Variants in RIMS2 observed in about 807,000 individuals in gnomAD.
The protein encoded by RIMS2 is regulating synaptic membrane exocytosis 2.
RIMS2 carries 59 observed loss-of-function variants against 174.4 expected under a neutral mutation model. The ratio of observed to expected loss-of-function variants is 0.34; its 90% confidence interval spans 0.27 to 0.42. RIMS2 has a LOEUF of 0.42. Ranked by LOEUF, RIMS2 falls within the 10% of genes least tolerant of loss-of-function variation. The pLI, the probability that RIMS2 is intolerant of heterozygous loss-of-function variation, is 1.00. For synonymous variants in RIMS2, 606 were observed against 572.5 expected (o/e 1.06, Z -0.84); for missense variants, 1,620 against 1,666.3 (o/e 0.97, Z 0.48).
At chr8:104,223,638 G>A (rs1301687853) in intron 19 of RIMS2, 2 of 1,586,382 alleles carry the variant, frequency 1.3e-6, no homozygotes, top group Middle Eastern at 2.2e-4. Context: ...GGGAAAAGCG[G>A]GTCCTCGTCC....
intron 2 of RIMS2, among the ~76,000 whole-genome samples, chr8:103,759,517 ATTG>A (rs2098082189): frequency 7.3e-6 from 1 of 136,966 alleles, no homozygotes; most frequent in Non-Finnish European, 1.5e-5. Context: ...GTGAGCAGAG[ATTG>A]TGCCACTGCA....
At chr8:103,754,875 C>G (rs981956868) in intron 2 of RIMS2, among the ~76,000 whole-genome samples, 3 of 151,748 alleles carry the variant, frequency 2.0e-5, no homozygotes, top group Non-Finnish European at 2.9e-5. Context: ...GGTCTTGACT[C>G]TATCCAATTT....
At chr8:103,636,817 C>T (rs1480663857) in intron 1 of RIMS2, among the ~76,000 whole-genome samples, 2 of 116,976 alleles carry the variant, frequency 1.7e-5, no homozygotes, top group African/African-American at 6.6e-5. Context: ...CACACACATA[C>T]CAATCTGCGT....
chr8:104,109,993 C>G (rs1251067419), intron 19 of RIMS2, among the ~76,000 whole-genome samples: 2 of 152,134 alleles, frequency 1.3e-5, no homozygotes, highest in East Asian at 3.8e-4. Flanking sequence ...AAAACCTATC[C>G]CTTTCCTCAA....
intron 1 of RIMS2, among the ~76,000 whole-genome samples, chr8:103,687,135 A>T: frequency 6.6e-6 from 1 of 152,076 alleles, no homozygotes. Context: ...AATGGATATA[A>T]AGCTTGTCAA....
At chr8:103,630,160 AAT>A (rs2095876892) in intron 1 of RIMS2, among the ~76,000 whole-genome samples, 2 of 145,892 alleles carry the variant, frequency 1.4e-5, no homozygotes, top group Non-Finnish European at 3.0e-5. Context: ...AAAAAAAAAA[AAT>A]CTTGAAAGCA....
At position 103,989,550 on chromosome 8, in the gene RIMS2, G is replaced by A. The variant is rs920337962; in HGVS notation, c.3044+129G>A. On this transcript the variant is annotated intron_variant, in intron 17 of 23. Transcript: ENST00000504942. Reference sequence around the variant, plus strand: ...TGAAACAATGTTTTTCTCTTACAACGCTTACATTATTTCTTATGACTGCCA... The same window carrying A: ...TGAAACAATGTTTTTCTCTTACAACACTTACATTATTTCTTATGACTGCCA... 9.2e-6 allele frequency: 5 copies of A among 544,020 alleles called. No individual in the cohort carries two copies. The African/African-American group carries it at 9.6e-5, about 10-fold the overall frequency. The allele number at this position is 544,020 out of a possible 1,614,324, so 33.7% of individuals were successfully genotyped here. A position where few individuals can be genotyped will look rare whatever the true frequency, so the allele number is the denominator to read the frequency against.
At chr8:103,913,988 T>G (rs1220386900) in intron 6 of RIMS2, among the ~76,000 whole-genome samples, 1 of 152,184 alleles carries the variant, frequency 6.6e-6, no homozygotes, top group East Asian at 1.9e-4. Flanking sequence ...GTGCTTGCAC[T>G]CAACCTGAGC....
chr8:103,523,506 C>T (rs141488705), intron 1 of RIMS2, among the ~76,000 whole-genome samples: 1 of 151,940 alleles, frequency 6.6e-6, no homozygotes, highest in East Asian at 1.9e-4. Context: ...TGAAAATGGA[C>T]CAGTAGGTTG....
intron 19 of RIMS2, among the ~76,000 whole-genome samples, chr8:104,101,118 T>C (rs2097888774): frequency 1.5e-5 from 2 of 131,178 alleles, no homozygotes; most frequent in African/African-American, 5.8e-5. Flanking sequence ...ATTATATATG[T>C]AATATATATT....
chr8:104,095,302 G>A (rs1184563127), intron 19 of RIMS2, among the ~76,000 whole-genome samples: 1 of 152,132 alleles, frequency 6.6e-6, no homozygotes, highest in Non-Finnish European at 1.5e-5. Context: ...AGTGCAGTTT[G>A]AGTCCTGCAG....
intron 17 of RIMS2, among the ~76,000 whole-genome samples, chr8:104,008,520 C>CT (rs2095660386): frequency 1.3e-5 from 2 of 150,192 alleles, no homozygotes; most frequent in African/African-American, 2.5e-5. Flanking sequence ...TTTAATAATA[C>CT]AGTATATGTT....
At chr8:103,565,066 T>C (rs1257394054) in intron 1 of RIMS2, among the ~76,000 whole-genome samples, 1 of 151,972 alleles carries the variant, frequency 6.6e-6, no homozygotes, top group Non-Finnish European at 1.5e-5. Flanking sequence ...ATCTGAGACT[T>C]GACAGACATA....
At chr8:103,532,658 A>T (rs1432826595) in intron 1 of RIMS2, among the ~76,000 whole-genome samples, 1 of 152,236 alleles carries the variant, frequency 6.6e-6, no homozygotes, top group Non-Finnish European at 1.5e-5. Flanking sequence ...TGAGACAGTG[A>T]CTATATGTGG....
chr8:104,201,616 T>TA (rs1484856170), intron 19 of RIMS2, among the ~76,000 whole-genome samples: 1 of 152,190 alleles, frequency 6.6e-6, no homozygotes, highest in Non-Finnish European at 1.5e-5. Flanking sequence ...TATTCTGTCT[T>TA]AAAAAATTAT....
chr8:104,093,623 A>T, intron 19 of RIMS2: 1 of 1,595,146 alleles, frequency 6.3e-7, no homozygotes, highest in African/African-American at 1.3e-5. Flanking sequence ...CAGAACGCCC[A>T]GGAGGAAACA....
In RIMS2 at chr8:103,705,518, C is replaced by T. The variant is rs115542802; in HGVS notation, c.387+8222C>T. Among the ~76,000 whole-genome samples the T allele has an allele frequency of 4.4e-3, 668 of 152,098 alleles. 3 individuals are homozygous for T. The highest frequency in any genetic ancestry group is 0.015 in the African/African-American group (611 of 41,544). On this transcript the variant is annotated intron_variant, in intron 2 of 23. Coordinates refer to ENST00000504942, the Ensembl canonical transcript of RIMS2. ...TTGTTGTTGTTGCTTTTTCTGCCTG[C>T]GTGCTGTGTTCATTACTAAGAGCGG...
chr8:103,548,773 TA>T (rs1416181124), intron 1 of RIMS2, among the ~76,000 whole-genome samples: 1 of 152,092 alleles, frequency 6.6e-6, no homozygotes, highest in Non-Finnish European at 1.5e-5. Context: ...GAAAACACCA[TA>T]ATCTCTATCT....
chr8:104,196,921 T>C (rs1451112030), intron 19 of RIMS2, among the ~76,000 whole-genome samples: 1 of 152,218 alleles, frequency 6.6e-6, no homozygotes, highest in African/African-American at 2.4e-5. Flanking sequence ...ACATTTAATT[T>C]ACTTAGTTTT....
Sources: allele counts gnomAD v4.1 joint callset (sites outside exome capture counted in the v4.1 genomes callset), GRCh38; gene constraint gnomAD v4.1.1; transcripts MANE v1.5; gene names NCBI Gene and HGNC (gene_info 2026-07-23, HGNC 2026-07-21).